Variants in MAP4 observed in about 807,000 individuals in gnomAD.
The protein encoded by MAP4 is microtubule associated protein 4, also known as microtubule-associated protein 4.
Under a neutral mutation model 170.2 loss-of-function variants are expected in MAP4, and 76 were observed. The ratio of observed to expected loss-of-function variants is 0.45; its 90% CI spans 0.37 to 0.54. The LOEUF (loss-of-function observed/expected upper bound fraction) is 0.54, where lower values mean the gene tolerates loss of function less well. MAP4 is among the 20% of genes least tolerant of loss of function. The pLI, the probability that MAP4 is intolerant of heterozygous loss-of-function variation, is 0.00. For missense variants in MAP4, 2,506 were observed against 2,748.0 expected (o/e 0.91, Z 1.97); for synonymous variants, 909 against 994.5 (o/e 0.91, Z 1.62).
At chr3:47,980,806 G>A (rs1054307446) in intron 2 of MAP4, among the ~76,000 whole-genome samples, 4 of 151,940 alleles carry the variant, frequency 2.6e-5, no homozygotes, top group Non-Finnish European at 5.9e-5. Context: ...ATTCTTCCTC[G>A]CTCAAGAAAG....
At chr3:48,075,354 G>A (rs958714930) in intron 1 of MAP4, among the ~76,000 whole-genome samples, 12 of 151,736 alleles carry the variant, frequency 7.9e-5, no homozygotes, top group Non-Finnish European at 1.6e-4. Flanking sequence ...GTGAAACCCC[G>A]TCTCTACCAA....
At position 47,865,240 on chromosome 3, in the gene MAP4, A is replaced by G. The variant is rs560913562; in HGVS notation, c.6501+2006T>C. 3.2e-4 allele frequency among the ~76,000 whole-genome samples: 49 copies of G among 152,332 alleles called. No homozygotes were observed. The East Asian group carries it at 8.9e-3, about 28-fold the overall frequency. On this transcript the variant is annotated intron_variant, in intron 17 of 20. Coordinates refer to ENST00000683076, the MANE Select transcript of MAP4 (RefSeq NM_001385682.1). The stretch of plus-strand genomic sequence containing the variant: ...TCAGAGCTCTTATATGCACCACACA[A>G]CACACACAAATATATCTCTATGTCT...
intron 10 of MAP4, chr3:47,891,124 C>G: frequency 6.5e-7 from 1 of 1,536,380 alleles, no homozygotes; most frequent in Non-Finnish European, 8.7e-7. Flanking sequence ...CTGGCTGTTT[C>G]TCTCCTCGCT....
intron 3 of MAP4, among the ~76,000 whole-genome samples, chr3:47,950,457 C>T (rs180746532): frequency 3.8e-4 from 58 of 152,160 alleles, no homozygotes; most frequent in African/African-American, 1.4e-3. Flanking sequence ...CATGCAAGAT[C>T]GTGGCAATAA....
At position 47,969,278 on chromosome 3, in the gene MAP4, G is replaced by A. The variant is rs527452899; in HGVS notation, c.292+8587C>T. 3.9e-5 allele frequency among the ~76,000 whole-genome samples: 6 copies of A among 152,198 alleles called. No individual in the cohort carries two copies. In the East Asian group the frequency reaches 1.2e-3, roughly 29 times the overall value. On this transcript the variant is annotated intron_variant, in intron 3 of 20. Coordinates refer to ENST00000683076, the MANE Select transcript of MAP4 (RefSeq NM_001385682.1). ...CAAAAATTAGCCAGACATGGTGGTG[G>A]GAGCCTGTAACCCCAGCTACTCGGG...
At chr3:48,066,371 G>A (rs1169125909) in intron 1 of MAP4, among the ~76,000 whole-genome samples, 1 of 151,930 alleles carries the variant, frequency 6.6e-6, no homozygotes, top group African/African-American at 2.4e-5. Context: ...TTGTTCTTTT[G>A]TCAAAGCAAC....
At chr3:47,924,889 C>T (rs2100044940) in intron 4 of MAP4, among the ~76,000 whole-genome samples, 1 of 152,004 alleles carries the variant, frequency 6.6e-6, no homozygotes, top group South Asian at 2.1e-4. Context: ...CAGCTTACTG[C>T]AACCTCCGCC....
intron 6 of MAP4, among the ~76,000 whole-genome samples, chr3:47,918,051 C>T (rs759896587): frequency 6.6e-6 from 1 of 152,034 alleles, no homozygotes; most frequent in Non-Finnish European, 1.5e-5. Context: ...GGCGCAATCT[C>T]GGCTGACAGC....
chr3:47,864,897 G>A (rs2076793715), intron 17 of MAP4, among the ~76,000 whole-genome samples: 1 of 152,106 alleles, frequency 6.6e-6, no homozygotes, highest in Admixed American at 6.5e-5. Flanking sequence ...ATGGTGCCCA[G>A]CTGGGGGGCT....
At chr3:47,973,295 G>A in intron 3 of MAP4, 1 of 885,906 alleles carries the variant, frequency 1.1e-6, no homozygotes, top group Non-Finnish European at 1.4e-6. Context: ...GAGAAAGAAG[G>A]CATATGAAAA....
At chr3:48,046,275 A>C (rs1457192150) in intron 1 of MAP4, among the ~76,000 whole-genome samples, 1 of 152,202 alleles carries the variant, frequency 6.6e-6, no homozygotes, top group Non-Finnish European at 1.5e-5. Context: ...CAAGGAGGTA[A>C]CACAAACCCA....
chr3:47,917,385 C>T (rs1374001951), intron 6 of MAP4, among the ~76,000 whole-genome samples: 1 of 151,982 alleles, frequency 6.6e-6, no homozygotes, highest in African/African-American at 2.4e-5. Context: ...GTCAGGAGTT[C>T]GAGACCAGCC....
chr3:47,949,435 C>T (rs1460240461), intron 3 of MAP4, among the ~76,000 whole-genome samples: 5 of 132,838 alleles, frequency 3.8e-5, no homozygotes, highest in African/African-American at 1.4e-4. Context: ...CACTGCACTC[C>T]AACCTGGGCA....
chr3:48,030,972 A>C (rs2100115803), intron 1 of MAP4, among the ~76,000 whole-genome samples: 1 of 152,152 alleles, frequency 6.6e-6, no homozygotes, highest in Non-Finnish European at 1.5e-5. Flanking sequence ...CTCCACTTCC[A>C]AGAGGTAGAA....
At chr3:48,039,020 C>T (rs1398453347) in intron 1 of MAP4, among the ~76,000 whole-genome samples, 2 of 152,018 alleles carry the variant, frequency 1.3e-5, no homozygotes, top group African/African-American at 4.8e-5. Context: ...GGAGAATTAC[C>T]TAAGCCTGGG....
intron 12 of MAP4, among the ~76,000 whole-genome samples, chr3:47,874,572 C>G (rs1346100700): frequency 6.6e-6 from 1 of 152,188 alleles, no homozygotes; most frequent in African/African-American, 2.4e-5. Context: ...GACACCTCTC[C>G]TTCCTACTCT....
Position 47,912,127 on chromosome 3 carries a change from G to C in MAP4, c.2294C>G (p.Pro765Arg). 6.5e-7 allele frequency: 1 copy of C among 1,536,026 alleles called. No individual in the cohort carries two copies. ...CTTCTTCTTTTTCTTCATCATTATT[G>C]GTGTGCTTTCTATATCCCAGGCCTC... ...GREAWDIEST[P>R]IMMKKKKKKP... Residue 765 changes from proline to arginine, a missense_variant, in exon 9 of 21, where the codon CCA becomes CGA. Pro to Arg is a moderately radical substitution (Grantham distance 103). Transcript: ENST00000683076.
intron 3 of MAP4, among the ~76,000 whole-genome samples, chr3:47,954,287 A>G (rs1578248879): frequency 6.6e-6 from 1 of 152,206 alleles, no homozygotes. Context: ...GGATCCTAAA[A>G]TAACAGAGGC....
intron 12 of MAP4, among the ~76,000 whole-genome samples, chr3:47,873,185 A>C (rs1451981776): frequency 1.3e-5 from 2 of 152,244 alleles, no homozygotes; most frequent in Admixed American, 1.3e-4. Flanking sequence ...AAGCACTGAT[A>C]TCACAGCTAC....
Sources: gnomAD v4.1 joint callset for allele counts (sites outside exome capture counted in the v4.1 genomes callset) on GRCh38, gnomAD v4.1.1 for gene constraint, MANE v1.5 for transcripts, NCBI Gene and HGNC (gene_info 2026-07-23, HGNC 2026-07-21) for gene names.